ZZZ3: variants seen among roughly 807,000 people sequenced by gnomAD.
ZZZ3 encodes ZZ-type zinc finger-containing protein 3.
In ZZZ3, 22 loss-of-function variants were observed where a neutral mutation model predicts 95.2. That is an observed-to-expected ratio of 0.23 (90% CI 0.17 to 0.33). The LOEUF (loss-of-function observed/expected upper bound fraction) is 0.33, where lower values mean the gene tolerates loss of function less well. ZZZ3 is among the 10% of genes least tolerant of loss of function. ZZZ3 has a pLI of 1.00. For missense variants in ZZZ3, 885 were observed against 1,066.5 expected (o/e 0.83, Z 2.37); for synonymous variants, 335 against 358.9 (o/e 0.93, Z 0.75).
rs747579730 is a variant in ZZZ3 at position 77,632,135 on chromosome 1, T to A, written c.1220A>T (p.Glu407Val). Residue 407 changes from glutamate to valine, a missense_variant, in exon 5 of 15, where the codon GAG becomes GTG. By Grantham distance (121) the Glu-to-Val change is moderately radical. Transcript: ENST00000370801. ...SPYRENGQFEENNLSPNETNA... is the reference protein window; with the variant it reads ...SPYRENGQFEVNNLSPNETNA... Reference sequence around the variant, plus strand: ...TGTTTCATTAGGACTAAGATTATTCTCCTCAAATTGTCCATTTTCTCTGTA... The same window carrying A: ...TGTTTCATTAGGACTAAGATTATTCACCTCAAATTGTCCATTTTCTCTGTA... 6.2e-7 allele frequency: 1 copy of A among 1,614,168 alleles called. No homozygotes were observed. The highest frequency in any genetic ancestry group is 2.2e-5 in the East Asian group (1 of 44,880).
intron 1 of ZZZ3, among the ~76,000 whole-genome samples, chr1:77,642,488 A>G (rs1668866921): frequency 6.6e-6 from 1 of 152,178 alleles, no homozygotes; most frequent in South Asian, 2.1e-4. Context: ...TCATGCCTGT[A>G]ATCTCAGCAC....
chr1:77,596,646 T>A (rs1435695520), intron 5 of ZZZ3, among the ~76,000 whole-genome samples: 2 of 152,106 alleles, frequency 1.3e-5, no homozygotes. Flanking sequence ...ATGAGTGGCA[T>A]CTGTAAGACC....
chr1:77,626,766 T>C (rs1315407464), intron 5 of ZZZ3, among the ~76,000 whole-genome samples: 1 of 152,226 alleles, frequency 6.6e-6, no homozygotes. Context: ...GAGTTTTCCT[T>C]AGTAATCTTT....
intron 1 of ZZZ3, among the ~76,000 whole-genome samples, chr1:77,662,933 C>T (rs1670935614): frequency 6.6e-6 from 1 of 152,012 alleles, no homozygotes; most frequent in African/African-American, 2.4e-5. Flanking sequence ...AGTGACGCTC[C>T]GTCTCTACAA....
intron 5 of ZZZ3, among the ~76,000 whole-genome samples, chr1:77,589,784 T>A (rs1055299440): frequency 6.6e-6 from 1 of 152,038 alleles, no homozygotes; most frequent in South Asian, 2.1e-4. Context: ...ACTGTCCAAT[T>A]TCTAGGCAGT....
At chr1:77,620,296 G>A (rs1330655914) in intron 5 of ZZZ3, among the ~76,000 whole-genome samples, 1 of 152,178 alleles carries the variant, frequency 6.6e-6, no homozygotes, top group African/African-American at 2.4e-5. Flanking sequence ...TAAAAGACAT[G>A]TTTAAAAATC....
At chr1:77,679,544 C>T (rs369488566) in intron 1 of ZZZ3, among the ~76,000 whole-genome samples, 1 of 152,090 alleles carries the variant, frequency 6.6e-6, no homozygotes, top group Non-Finnish European at 1.5e-5. Flanking sequence ...CCTCGGCCTC[C>T]CAAAGTGCTT....
At chr1:77,616,437 A>C (rs1666322287) in intron 5 of ZZZ3, among the ~76,000 whole-genome samples, 1 of 152,242 alleles carries the variant, frequency 6.6e-6, no homozygotes, top group African/African-American at 2.4e-5. Context: ...TATATACTTC[A>C]AGAGAATCTG....
At chr1:77,580,346 C>T (rs1048532204) in intron 9 of ZZZ3, 1 of 152,268 alleles carries the variant, frequency 6.6e-6, no homozygotes, top group African/African-American at 2.4e-5. Context: ...CACCTCCCTT[C>T]GACAACAAAA....
rs374792601 is a variant in ZZZ3 at position 77,664,970 on chromosome 1, T to C, written c.-403+17615A>G. Among the ~76,000 whole-genome samples, 5 of 152,218 alleles carry C rather than the reference T, an allele frequency of 3.3e-5. No homozygotes were observed. In the South Asian group the frequency reaches 8.3e-4, roughly 25 times the overall value. ...AGACCTTATGCTGTTTCTAGTCTTC[T>C]GGCATACTTTTTGTTACAACAAATT... On this transcript the variant is annotated intron_variant, in intron 1 of 14. Transcript: ENST00000370801.
intron 12 of ZZZ3, among the ~76,000 whole-genome samples, chr1:77,570,828 A>AT (rs1234908458): frequency 0.032 from 3,973 of 123,762 alleles, 138 homozygotes; most frequent in South Asian, 0.077. Context: ...AGCCTGGCTA[A>AT]TTTTTTTTTT....
Position 77,565,688 on chromosome 1 carries a change from G to A in ZZZ3, c.2664C>T (p.Gly888=). ...FLDRDYCVSQ[G]TSYNYLDPNY... ...TTGGGTCAAGGTAATTGTAACTGGT[G>A]CCCTGAGACACACAGTAGTCTCTGT... The change falls in exon 15 of 15, where the codon GGC becomes GGT. Residue 888 remains glycine (G), a synonymous_variant. Transcript: ENST00000370801. 2 of 1,613,882 alleles carry A rather than the reference G, an allele frequency of 1.2e-6. No individual in the cohort carries two copies. The highest frequency in any genetic ancestry group is 1.7e-6 in the Non-Finnish European group (2 of 1,179,818).
rs1663215984 is a variant in ZZZ3, at chr1:77,587,501, T to G, written c.1506-2846A>C. Among the ~76,000 whole-genome samples the G allele has an allele frequency of 2.0e-5, 3 of 152,114 alleles. No individual in the cohort carries two copies. In the East Asian group the frequency reaches 5.8e-4, roughly 29 times the overall value. The stretch of plus-strand genomic sequence containing the variant: ...GGATGTTCTCGATCTCATGACCTCG[T>G]GATCCGCCCGCCTCGGCCTCCCAAA... On this transcript the variant is annotated intron_variant, in intron 5 of 14. Coordinates refer to ENST00000370801, the MANE Select transcript of ZZZ3 (RefSeq NM_015534.6).
rs1183857846 is a variant in ZZZ3 at position 77,568,423 on chromosome 1, T to C, written c.2375A>G (p.Tyr792Cys). ...CTTTTTAAACTGTAATAGTTCTTTA[T>C]ATTCAGGTAAATTCCTATACATGAT... ...IPIMYRNLPE[Y>C]KELLQFKKLK... Residue 792 changes from tyrosine (Y) to cysteine (C), a missense_variant, in exon 13 of 15, where the codon TAT (tyrosine) becomes TGT (cysteine). Physicochemically the swap from Tyr to Cys is radical, Grantham distance 194. This residue lies in a region of ZZZ3 where 221 missense variants were observed against 247.8 expected (regional missense o/e 0.89). Coordinates refer to ENST00000370801, the MANE Select transcript of ZZZ3 (RefSeq NM_015534.6). 2 of 1,483,920 alleles carry C rather than the reference T, an allele frequency of 1.3e-6. No individual in the cohort carries two copies. The highest frequency in any genetic ancestry group is 1.2e-5 in the South Asian group (1 of 82,306). The allele number at this position is 1,483,920 out of a possible 1,614,324, so 91.9% of individuals were successfully genotyped here. A position where few individuals can be genotyped will look rare whatever the true frequency, so the allele number is the denominator to read the frequency against.
At chr1:77,659,366 T>C (rs980055134) in intron 1 of ZZZ3, among the ~76,000 whole-genome samples, 4 of 151,960 alleles carry the variant, frequency 2.6e-5, no homozygotes, top group Non-Finnish European at 4.4e-5. Context: ...AATTTTTAAA[T>C]TTAAAAAACC....
Position 77,635,860 on chromosome 1 carries a change from C to A in ZZZ3, c.-51-2455G>T, listed in dbSNP as rs567661228. Among the ~76,000 whole-genome samples, 12 of 152,074 alleles carry A rather than the reference C, an allele frequency of 7.9e-5. No individual in the cohort carries two copies. In the East Asian group the frequency reaches 2.3e-3, roughly 29 times the overall value. ...GGCAAAGGTTGCAGTGAGCCGAGAT[C>A]GCGCCACTGCACTCTAGCCTGGGCA... On this transcript the variant is annotated intron_variant, in intron 4 of 14. Coordinates refer to ENST00000370801, the MANE Select transcript of ZZZ3 (RefSeq NM_015534.6).
At chr1:77,641,979 C>A (rs1196671919) in intron 1 of ZZZ3, among the ~76,000 whole-genome samples, 1 of 152,062 alleles carries the variant, frequency 6.6e-6, no homozygotes, top group Non-Finnish European at 1.5e-5. Context: ...CTTAAGTCTA[C>A]AATTACTCTC....
chr1:77,601,963 T>C (rs566594768), intron 5 of ZZZ3, among the ~76,000 whole-genome samples: 2 of 152,186 alleles, frequency 1.3e-5, no homozygotes, highest in Non-Finnish European at 2.9e-5. Context: ...TGGCAAGATG[T>C]TGGCTAAGGA....
chr1:77,652,737 A>C (rs1026192320), intron 1 of ZZZ3, among the ~76,000 whole-genome samples: 2 of 152,244 alleles, frequency 1.3e-5, no homozygotes, highest in African/African-American at 4.8e-5. Context: ...AACAAGGAAT[A>C]TCATATCAAC....
Sources: allele counts gnomAD v4.1 joint callset (sites outside exome capture counted in the v4.1 genomes callset), GRCh38; gene constraint gnomAD v4.1.1; regional missense constraint gnomAD v4.1.1; transcripts MANE v1.5; gene names NCBI Gene and HGNC (gene_info 2026-07-23, HGNC 2026-07-21).